MYO16: variants seen among roughly 807,000 people sequenced by gnomAD.
MYO16 encodes the protein unconventional myosin-XVI.
MYO16 carries 94 observed loss-of-function variants against 205.3 expected under a neutral mutation model. That is an observed-to-expected ratio of 0.46 (90% CI 0.39 to 0.54). The LOEUF (loss-of-function observed/expected upper bound fraction) is 0.54. Ranked by LOEUF, MYO16 falls within the 20% of genes least tolerant of loss-of-function variation. The pLI is 0.00. For missense variants in MYO16, 2,315 were observed against 2,387.5 expected, an observed-to-expected ratio of 0.97 and a Z score of 0.63; for synonymous variants, 988 against 954.0, an observed-to-expected ratio of 1.04 and a Z score of -0.66.
chr13:108,661,576 C>T (rs1176163867), intron 1 of MYO16, among the ~76,000 whole-genome samples: 1 of 152,080 alleles, frequency 6.6e-6, no homozygotes, highest in Non-Finnish European at 1.5e-5. Flanking sequence ...ACTTCTATTG[C>T]CGAGACTTTC....
At chr13:109,113,350 G>A (rs1875501493) in intron 28 of MYO16, among the ~76,000 whole-genome samples, 1 of 150,560 alleles carries the variant, frequency 6.6e-6, no homozygotes, top group South Asian at 2.1e-4. Flanking sequence ...AAAGAAGGAA[G>A]GAAGAGAGGG....
At chr13:108,657,718 T>C (rs987060331) in intron 1 of MYO16, among the ~76,000 whole-genome samples, 1 of 152,220 alleles carries the variant, frequency 6.6e-6, no homozygotes, top group South Asian at 2.1e-4. Context: ...TCACTCCTAA[T>C]AGCTGACTCA....
the MYO16 span, among the ~76,000 whole-genome samples, chr13:108,530,421 A>G: frequency 6.6e-6 from 1 of 152,242 alleles, no homozygotes; most frequent in South Asian, 2.1e-4. Context: ...GTTGACTTCT[A>G]GAATTATTTC....
chr13:109,037,589 A>T (rs1886755802), intron 23 of MYO16, among the ~76,000 whole-genome samples: 1 of 152,194 alleles, frequency 6.6e-6, no homozygotes, highest in South Asian at 2.1e-4. Context: ...AGGGATATTC[A>T]TGAGAAAACT....
chr13:108,855,276 G>GTT lies in MYO16; in HGVS notation c.1249-154_1249-153dup, dbSNP rs5806761. 736 of 315,756 alleles carry GTT rather than the reference G, an allele frequency of 2.3e-3. 2 individuals carry two copies. The highest frequency in any genetic ancestry group is 0.018 in the East Asian group (383 of 20,714). 19.6% of individuals were successfully genotyped at this position (315,756 alleles called of 1,614,324 possible). Reference sequence around the variant, plus strand: ...GAATACATTGCTCTGTGGCTTTAGAGTTTTTTTTTTTTTTCTTTTTCATTG... The same window carrying GTT: ...GAATACATTGCTCTGTGGCTTTAGAGTTTTTTTTTTTTTTTTCTTTTTCATTG... On this transcript the variant is annotated intron_variant, in intron 10 of 34. Transcript: ENST00000457511.
chr13:108,642,361 T>C (rs748644612), intron 1 of MYO16, among the ~76,000 whole-genome samples: 3 of 152,142 alleles, frequency 2.0e-5, no homozygotes, highest in African/African-American at 7.2e-5. Flanking sequence ...TGATGCACCA[T>C]GCAGATTGAG....
chr13:108,509,742 A>G, the MYO16 span, among the ~76,000 whole-genome samples: 49 of 152,320 alleles, frequency 3.2e-4, 1 homozygote, highest in South Asian at 8.3e-4. Flanking sequence ...GCACATGTAT[A>G]CATATGTAAA....
At chr13:109,022,551 T>G (rs1195827402) in intron 23 of MYO16, among the ~76,000 whole-genome samples, 1 of 132,226 alleles carries the variant, frequency 7.6e-6, no homozygotes, top group Non-Finnish European at 1.6e-5. Context: ...TGTATATATT[T>G]CTATATTCTA....
chr13:108,842,256 A>G (rs900474918), intron 9 of MYO16, among the ~76,000 whole-genome samples: 3 of 152,150 alleles, frequency 2.0e-5, no homozygotes, highest in Non-Finnish European at 4.4e-5. Flanking sequence ...CAAAGAAAAC[A>G]ATAAAATCAA....
At chr13:108,657,319 A>G (rs1881289041) in intron 1 of MYO16, among the ~76,000 whole-genome samples, 1 of 152,206 alleles carries the variant, frequency 6.6e-6, no homozygotes, top group African/African-American at 2.4e-5. Flanking sequence ...TACCAAAGCC[A>G]CAGTTAGGAA....
chr13:109,207,529 T>C lies in MYO16; in HGVS notation c.*693T>C, dbSNP rs1480598393. On this transcript the variant is annotated 3_prime_UTR_variant, in exon 35 of 35. Coordinates refer to ENST00000457511, the MANE Select transcript of MYO16 (RefSeq NM_001198950.3). ...AAACTATGAATTGAGCCCCATGTTT[T>C]AGGTGTTACTCATGGATGAGGAGGC... is the stretch of plus-strand genomic sequence containing the variant. 1 of 152,188 alleles carries C rather than the reference T, an allele frequency of 6.6e-6. No individual in the cohort carries two copies. Among genetic ancestry groups the C allele is most frequent in the Non-Finnish European group, 1.5e-5 (1 of 68,034 alleles). 9.4% of individuals were successfully genotyped at this position (152,188 alleles called of 1,614,324 possible).
intron 16 of MYO16, among the ~76,000 whole-genome samples, chr13:108,956,160 C>G (rs1883339825): frequency 1.3e-5 from 2 of 152,198 alleles, no homozygotes; most frequent in African/African-American, 4.8e-5. Context: ...CTTTATCTCT[C>G]CAGAAACCTA....
intron 32 of MYO16, among the ~76,000 whole-genome samples, chr13:109,145,785 G>A (rs1877302410): frequency 6.6e-6 from 1 of 152,206 alleles, no homozygotes; most frequent in Non-Finnish European, 1.5e-5. Flanking sequence ...GTCTGGTTGA[G>A]TTTATCCAGA....
At chr13:108,599,376 C>T (rs1878680169) in intron 1 of MYO16, among the ~76,000 whole-genome samples, 1 of 149,912 alleles carries the variant, frequency 6.7e-6, no homozygotes, top group Non-Finnish European at 1.5e-5. Flanking sequence ...ATGGCTGGGT[C>T]GAATGGTGTT....
At chr13:109,032,047 G>T (rs1431684944) in intron 23 of MYO16, among the ~76,000 whole-genome samples, 2 of 152,224 alleles carry the variant, frequency 1.3e-5, no homozygotes, top group East Asian at 3.9e-4. Flanking sequence ...TGCTTCACGT[G>T]TGCAAAGCTA....
chr13:108,743,981 C>T (rs1378141854), intron 4 of MYO16, among the ~76,000 whole-genome samples: 1 of 152,172 alleles, frequency 6.6e-6, no homozygotes, highest in Admixed American at 6.5e-5. Flanking sequence ...CACAAGCTGC[C>T]CTTGCTATGT....
the MYO16 span, among the ~76,000 whole-genome samples, chr13:108,540,238 G>A: frequency 6.6e-6 from 1 of 152,130 alleles, no homozygotes; most frequent in Admixed American, 6.5e-5. Flanking sequence ...TTCATGCCAT[G>A]AGCAATGTAA....
chr13:108,923,002 GTCAC>G (rs1338327623), intron 16 of MYO16, among the ~76,000 whole-genome samples: 80 of 152,184 alleles, frequency 5.3e-4, no homozygotes, highest in African/African-American at 1.9e-3. Flanking sequence ...GAACCTCCCA[GTCAC>G]ATGCTAGGAG....
chr13:109,155,795 C>T (rs894138162), intron 32 of MYO16, among the ~76,000 whole-genome samples: 1 of 152,184 alleles, frequency 6.6e-6, no homozygotes, highest in Non-Finnish European at 1.5e-5. Flanking sequence ...CACATTTCCC[C>T]TGTAGCAGTC....
Sources: gnomAD v4.1 joint callset for allele counts (sites outside exome capture counted in the v4.1 genomes callset) on GRCh38, gnomAD v4.1.1 for gene constraint, MANE v1.5 for transcripts, NCBI Gene and HGNC (gene_info 2026-07-23, HGNC 2026-07-21) for gene names.